RABEPK: variants seen among roughly 807,000 people sequenced by gnomAD.
RABEPK encodes the protein Rab9 effector protein with kelch motifs, also known as 40 kDa Rab9 effector protein.
A neutral mutation model predicts 34.1 loss-of-function variants in RABEPK; 27 were observed. That is an observed-to-expected ratio of 0.79 (90% CI 0.58 to 1.09). The LOEUF is 1.09. Among genes scored for constraint, RABEPK ranks in the 50% least tolerant of loss-of-function variants. The pLI, the probability that RABEPK is intolerant of heterozygous loss-of-function variation, is 0.00. For missense variants in RABEPK, 449 were observed against 462.6 expected, an observed-to-expected ratio of 0.97 and a Z score of 0.27; for synonymous variants, 172 against 169.2, an observed-to-expected ratio of 1.02 and a Z score of -0.13.
rs1298988731 is a variant in RABEPK at position 125,207,461 on chromosome 9, A to G, written c.54-103A>G. 1.1e-5 allele frequency: 14 copies of G among 1,248,374 alleles called. No individual in the cohort carries two copies. The East Asian group carries it at 1.2e-4, about 10-fold the overall frequency. The allele number at this position is 1,248,374 out of a possible 1,614,324, so 77.3% of individuals were successfully genotyped here. On this transcript the variant is annotated intron_variant, in intron 2 of 7. Coordinates refer to ENST00000373538, the MANE Select transcript of RABEPK (RefSeq NM_005833.4). The stretch of plus-strand genomic sequence containing the variant: ...ATTGGGTACAATTTAAAGTGTCTGC[A>G]TAAGGCTCTTCATTCTGGTGAATAT...
rs574819603 is a variant in RABEPK at position 125,213,306 on chromosome 9, A to G, written c.212-64A>G. 3.7e-4 allele frequency: 577 copies of G among 1,539,080 alleles called. 3 individuals carry two copies. The highest frequency in any genetic ancestry group is 3.2e-3 in the South Asian group (263 of 82,502). ...TGGCCCTCTTCTCATGACCCTCCTC[A>G]AGTGTGCCAACCAATATAATAATTG... On this transcript the variant is annotated intron_variant, in intron 3 of 7. Transcript: ENST00000373538.
intron 5 of RABEPK, among the ~76,000 whole-genome samples, chr9:125,224,363 A>C (rs1041920054): frequency 1.3e-5 from 2 of 151,670 alleles, no homozygotes; most frequent in African/African-American, 4.9e-5. Context: ...CATATTCATA[A>C]CTCTCATGTA....
At chr9:125,222,968 C>T (rs920444955) in intron 5 of RABEPK, among the ~76,000 whole-genome samples, 26 of 151,956 alleles carry the variant, frequency 1.7e-4, no homozygotes, top group Non-Finnish European at 2.8e-4. Context: ...CCACACCACC[C>T]GGCCTTCACC....
chr9:125,232,645 C>A lies in RABEPK; in HGVS notation c.726C>A (p.Gly242=). ...ATCCCACTGGGGCTGCTCCAGCAGGCTGTGCTGCCCACTCAGCTGTGGCCA... is the reference window on the plus strand; with the variant it reads ...ATCCCACTGGGGCTGCTCCAGCAGGATGTGCTGCCCACTCAGCTGTGGCCA... The part of the protein sequence containing the change: ...KLNPTGAAPA[G]CAAHSAVAMG... Residue 242 remains glycine (G), a synonymous_variant, in exon 7 of 8, where the codon GGC becomes GGA. Coordinates refer to ENST00000373538, the MANE Select transcript of RABEPK (RefSeq NM_005833.4). The A allele has an allele frequency of 6.2e-7, 1 of 1,614,096 alleles. No individual in the cohort carries two copies. Among genetic ancestry groups the A allele is most frequent in the East Asian group, 2.2e-5 (1 of 44,884 alleles).
chr9:125,214,936 A>C (rs1830825996), intron 4 of RABEPK, among the ~76,000 whole-genome samples: 1 of 151,648 alleles, frequency 6.6e-6, no homozygotes, highest in South Asian at 2.1e-4. Flanking sequence ...GATTACAGGC[A>C]TGCGCCACCA....
At chr9:125,225,904 A>G (rs1164908256) in intron 5 of RABEPK, among the ~76,000 whole-genome samples, 1 of 151,266 alleles carries the variant, frequency 6.6e-6, no homozygotes, top group African/African-American at 2.4e-5. Context: ...CGGAGGTTGC[A>G]GTGAGCTGAG....
Position 125,220,603 on chromosome 9 carries a change from A to G in RABEPK, c.429A>G (p.Thr143=), listed in dbSNP as rs1831259275. ...CACCATCCCCAAGAACATTCCACAC[A>G]TCATCGGCAGCCATTGGAAACCAGC... ...SPPPSPRTFH[T]SSAAIGNQLY... is the part of the protein sequence containing the mutation. The change falls in exon 5 of 8, where the codon ACA becomes ACG. Residue 143 remains threonine, a synonymous_variant. Transcript: ENST00000373538. 6.2e-7 allele frequency: 1 copy of G among 1,614,098 alleles called. No homozygotes were observed. The highest frequency in any genetic ancestry group is 8.5e-7 in the Non-Finnish European group (1 of 1,179,994).
At position 125,203,150 on chromosome 9, in the gene RABEPK, C is replaced by T. The variant is rs566617865; in HGVS notation, c.53+84C>T. 5.0e-3 allele frequency: 5,946 copies of T among 1,179,640 alleles called. 29 individuals carry two copies. Among genetic ancestry groups the T allele is most frequent in the Non-Finnish European group, 6.2e-3 (4,964 of 802,338 alleles). The allele number at this position is 1,179,640 out of a possible 1,614,324, so 73.1% of individuals were successfully genotyped here. On this transcript the variant is annotated intron_variant, in intron 2 of 7. Coordinates refer to ENST00000373538, the MANE Select transcript of RABEPK (RefSeq NM_005833.4). ...GTTTATTTACATATTTGATCATCAA[C>T]AAAAAGGGGTAGAGATGAAACTGTC...
At chr9:125,224,215 A>AC (rs1000224835) in intron 5 of RABEPK, among the ~76,000 whole-genome samples, 12 of 146,554 alleles carry the variant, frequency 8.2e-5, no homozygotes, top group African/African-American at 3.0e-4. Context: ...AAACAAAACA[A>AC]AAAAAAAAAA....
rs994796655 is a variant in RABEPK at position 125,233,685 on chromosome 9, T to C, written c.827-3T>C. On this transcript the variant is annotated splice_region_variant and splice_polypyrimidine_tract_variant and intron_variant, in intron 7 of 7. Coordinates refer to ENST00000373538, the MANE Select transcript of RABEPK (RefSeq NM_005833.4). ...CATGAAGCCTTTTCCCTCCCCAACATAGAAGAGCAGCATTGGACCTTGCTT... is the reference window on the plus strand; with the variant it reads ...CATGAAGCCTTTTCCCTCCCCAACACAGAAGAGCAGCATTGGACCTTGCTT... 1 of 1,610,646 alleles carries C rather than the reference T, an allele frequency of 6.2e-7. No individual in the cohort carries two copies. The highest frequency in any genetic ancestry group is 8.5e-7 in the Non-Finnish European group (1 of 1,177,390).
At chr9:125,223,648 C>T (rs954986856) in intron 5 of RABEPK, among the ~76,000 whole-genome samples, 1 of 149,452 alleles carries the variant, frequency 6.7e-6, no homozygotes, top group African/African-American at 2.5e-5. Context: ...CCGCTTGGGC[C>T]CAGGAGTTTG....
chr9:125,214,517 G>A lies in RABEPK; in HGVS notation c.364+995G>A, dbSNP rs140391709. Among the ~76,000 whole-genome samples, 121 of 152,158 alleles carry A rather than the reference G, an allele frequency of 8.0e-4. 1 individual carries two copies. Among genetic ancestry groups the A allele is most frequent in the East Asian group, 1.5e-3 (8 of 5,180 alleles). ...CACTGGCAAGACATTTTGTTTGTTC[G>A]TTTTGTTTGTTTGTTTTTGTTTTTC... On this transcript the variant is annotated intron_variant, in intron 4 of 7. Transcript: ENST00000373538.
chr9:125,233,626 G>C, intron 7 of RABEPK, 62 bp from the exon 8 acceptor site: 2 of 1,538,210 alleles, frequency 1.3e-6, no homozygotes, highest in Non-Finnish European at 1.8e-6. Context: ...ACAGGCGTGA[G>C]CCACCGTGCC....
chr9:125,209,299 T>C (rs1462700515), intron 3 of RABEPK, among the ~76,000 whole-genome samples: 3 of 151,520 alleles, frequency 2.0e-5, no homozygotes, highest in East Asian at 1.9e-4. Context: ...GACCTGGTGA[T>C]CCTCCCGCCT....
chr9:125,223,886 G>A (rs1352140647), intron 5 of RABEPK, among the ~76,000 whole-genome samples: 2 of 152,018 alleles, frequency 1.3e-5, no homozygotes, highest in Admixed American at 6.6e-5. Flanking sequence ...GCAGACCTTT[G>A]TTTCAAAGAG....
rs1554733096 is a variant in RABEPK at position 125,232,245 on chromosome 9, C to CACACAG, written c.677-350_677-349insCACAGA. Among the ~76,000 whole-genome samples, 344 of 149,892 alleles carry CACACAG rather than the reference C, an allele frequency of 2.3e-3. 1 individual carries two copies. The highest frequency in any genetic ancestry group is 4.1e-3 in the East Asian group (21 of 5,104). On this transcript the variant is annotated intron_variant, in intron 6 of 7. Coordinates refer to ENST00000373538, the MANE Select transcript of RABEPK (RefSeq NM_005833.4). ...ACACACACACACACACACACACACA[C>CACACAG]AGAGACAGAGAGAGAGAGAGAGAGA...
intron 4 of RABEPK, among the ~76,000 whole-genome samples, chr9:125,218,894 T>A (rs926209451): frequency 6.6e-6 from 1 of 151,286 alleles, no homozygotes; most frequent in Non-Finnish European, 1.5e-5. Context: ...ACCCGACTAA[T>A]TTTTTTTTGT....
chr9:125,230,687 C>G (rs904535046), intron 6 of RABEPK, among the ~76,000 whole-genome samples: 5 of 151,832 alleles, frequency 3.3e-5, no homozygotes, highest in African/African-American at 1.2e-4. Flanking sequence ...AGGTGTCCAC[C>G]ACCACGCCCG....
intron 2 of RABEPK, among the ~76,000 whole-genome samples, chr9:125,205,887 G>A (rs941524098): frequency 6.6e-6 from 1 of 152,210 alleles, no homozygotes; most frequent in African/African-American, 2.4e-5. Flanking sequence ...AGTGATAATT[G>A]AAGTTATCAC....
Sources: allele counts gnomAD v4.1 joint callset (sites outside exome capture counted in the v4.1 genomes callset), GRCh38; gene constraint gnomAD v4.1.1; transcripts MANE v1.5; gene names NCBI Gene and HGNC (gene_info 2026-07-23, HGNC 2026-07-21).